CUX1: variants seen among roughly 807,000 people sequenced by gnomAD.
CUX1 encodes the protein cut like homeobox 1.
In CUX1, 31 loss-of-function variants were observed where a neutral mutation model predicts 158.8. The observed-to-expected ratio is 0.20, with a 90% CI of 0.15 to 0.26. The LOEUF is 0.26. CUX1 is among the 10% of genes least tolerant of loss of function. CUX1 has a pLI of 1.00. For missense variants in CUX1, 1,589 were observed against 2,014.6 expected, an observed-to-expected ratio of 0.79 and a Z score of 4.04; for synonymous variants, 879 against 862.1, an observed-to-expected ratio of 1.02 and a Z score of -0.34.
intron 8 of CUX1, among the ~76,000 whole-genome samples, chr7:102,137,587 G>C (rs1834043104): frequency 1.3e-5 from 2 of 152,142 alleles, no homozygotes. Context: ...AGTGAGCTGA[G>C]ATGGCACCGC....
At chr7:102,092,456 TC>T (rs1288268376) in intron 4 of CUX1, among the ~76,000 whole-genome samples, 1 of 152,170 alleles carries the variant, frequency 6.6e-6, no homozygotes, top group South Asian at 2.1e-4. Context: ...TTTCCCTCAC[TC>T]CCTGTGCCTC....
chr7:101,829,876 C>T (rs1793784043), intron 1 of CUX1, among the ~76,000 whole-genome samples: 1 of 151,802 alleles, frequency 6.6e-6, no homozygotes, highest in Non-Finnish European at 1.5e-5. Flanking sequence ...AAGGAGCCCC[C>T]CTGTTGCATT....
intron 6 of CUX1, among the ~76,000 whole-genome samples, chr7:102,110,152 C>T (rs993443305): frequency 6.6e-6 from 1 of 152,108 alleles, no homozygotes; most frequent in Admixed American, 6.6e-5. Context: ...TTTCAGTAGC[C>T]TATTTCATAT....
intron 9 of CUX1, among the ~76,000 whole-genome samples, chr7:102,162,877 G>A (rs1280399703): frequency 6.6e-6 from 1 of 152,136 alleles, no homozygotes; most frequent in Non-Finnish European, 1.5e-5. Flanking sequence ...TGCTTGCTCT[G>A]GAGAGAGTGA....
intron 8 of CUX1, among the ~76,000 whole-genome samples, 200 bp from the exon 9 acceptor site, chr7:102,158,360 C>A (rs1308972315): frequency 6.6e-6 from 1 of 152,154 alleles, no homozygotes; most frequent in African/African-American, 2.4e-5. Flanking sequence ...ACGCACCAGA[C>A]ACATGATTAT....
intron 8 of CUX1, among the ~76,000 whole-genome samples, chr7:102,129,785 C>T (rs1162205696): frequency 6.6e-6 from 1 of 152,128 alleles, no homozygotes; most frequent in Non-Finnish European, 1.5e-5. Flanking sequence ...ACAAGTTGTT[C>T]GGTCCCCGCC....
At chr7:102,030,725 A>G (rs1790412162) in intron 3 of CUX1, among the ~76,000 whole-genome samples, 1 of 41,340 alleles carries the variant, frequency 2.4e-5, no homozygotes, top group South Asian at 5.4e-4. Flanking sequence ...TCGCTCGGTA[A>G]CCCAGGCTGC....
At chr7:102,071,518 C>T (rs1826131582) in intron 4 of CUX1, among the ~76,000 whole-genome samples, 1 of 152,176 alleles carries the variant, frequency 6.6e-6, no homozygotes, top group Non-Finnish European at 1.5e-5. Flanking sequence ...ATGCCTTTTT[C>T]TGCCAAGCAA....
In CUX1 at chr7:101,929,673, T is replaced by C. The variant is rs182238153; in HGVS notation, c.141+13448T>C. ...AGGCATTATGCTAAGTGCATGACCA[T>C]CATTTCTCTGCCCCTGGAAGTCACC... On this transcript the variant is annotated intron_variant, in intron 2 of 23. Transcript: ENST00000292535. Among the ~76,000 whole-genome samples the C allele has an allele frequency of 2.0e-5, 3 of 152,216 alleles. No individual in the cohort carries two copies. The East Asian group carries it at 5.8e-4, about 29-fold the overall frequency.
chr7:102,197,018 C>A lies in CUX1; in HGVS notation c.1607C>A (p.Pro536His). 6.2e-7 allele frequency: 1 copy of A among 1,614,216 alleles called. No individual in the cohort carries two copies. Among genetic ancestry groups the A allele is most frequent in the Non-Finnish European group, 8.5e-7 (1 of 1,180,038 alleles). Reference protein sequence around the residue: ...SPDVNGMAPSPSQSESAGSVS... With the variant: ...SPDVNGMAPSHSQSESAGSVS... ...GATGTCAATGGCATGGCCCCATCCCCCAGCCAGTCAGAAAGTGCTGGGAGC... is the reference window on the plus strand; with the variant it reads ...GATGTCAATGGCATGGCCCCATCCCACAGCCAGTCAGAAAGTGCTGGGAGC... Residue 536 changes from proline (P) to histidine (H), a missense_variant, in exon 15 of 24, where the codon CCC becomes CAC. Physicochemically the swap from Pro to His is moderately conservative, Grantham distance 77. Around this residue, in one of 8 missense-constraint regions of CUX1, gnomAD observed 515 missense variants for 574.4 expected, o/e 0.90. Transcript: ENST00000292535.
chr7:101,974,474 C>T (rs947499414), intron 2 of CUX1, among the ~76,000 whole-genome samples: 2 of 152,180 alleles, frequency 1.3e-5, no homozygotes, highest in African/African-American at 2.4e-5. Context: ...GCTTTTAATC[C>T]TAGCTTACAG....
chr7:102,216,658 CCCACACACACT>C (rs1797186636), intron 20 of CUX1, among the ~76,000 whole-genome samples: 1 of 74,236 alleles, frequency 1.3e-5, no homozygotes, highest in South Asian at 5.0e-4. Context: ...CACACACTCT[CCCACACACACT>C]CACACACACA....
In CUX1 at chr7:102,255,668, C is replaced by T. The variant is rs916375609; in HGVS notation, c.*6626C>T. 32 of 985,284 alleles carry T rather than the reference C, an allele frequency of 3.2e-5. 1 individual carries two copies. The highest frequency in any genetic ancestry group is 2.3e-4 in the East Asian group (2 of 8,828). 61.0% of individuals were successfully genotyped at this position (985,284 alleles called of 1,614,324 possible). ...AAAGGTGCCTTATATCCCAATGTCA[C>T]GGCTACATCCCTATGGAAATTAATC... On this transcript the variant is annotated 3_prime_UTR_variant, in exon 24 of 24. Coordinates refer to ENST00000292535, the MANE Select transcript of CUX1 (RefSeq NM_181552.4).
intron 2 of CUX1, among the ~76,000 whole-genome samples, chr7:101,992,429 G>T (rs1325913545): frequency 6.6e-6 from 1 of 152,200 alleles, no homozygotes; most frequent in African/African-American, 2.4e-5. Flanking sequence ...AGACTGGTGT[G>T]CATAGAAGGG....
At position 102,076,244 on chromosome 7, in the gene CUX1, G is replaced by A. The variant is rs1826704977; in HGVS notation, c.268+5827G>A. 2.0e-5 allele frequency among the ~76,000 whole-genome samples: 3 copies of A among 152,106 alleles called. 1 individual carries two copies. The highest frequency in any genetic ancestry group is 2.0e-4 in the Admixed American group (3 of 15,262). Reference sequence around the variant, plus strand: ...TAAAAAAATACAAGACATTAGGTGGGCGTGGTGGTGGGCACCTGTAATCCC... The same window carrying A: ...TAAAAAAATACAAGACATTAGGTGGACGTGGTGGTGGGCACCTGTAATCCC... On this transcript the variant is annotated intron_variant, in intron 4 of 23. Transcript: ENST00000292535.
chr7:101,824,547 G>C (rs980806295), intron 1 of CUX1: 1 of 152,252 alleles, frequency 6.6e-6, no homozygotes, highest in Non-Finnish European at 1.5e-5. Flanking sequence ...GTAAATCTTT[G>C]TCTTGAAGAG....
chr7:102,070,817 C>A lies in CUX1; in HGVS notation c.268+400C>A, dbSNP rs112385072. 3.9e-4 allele frequency among the ~76,000 whole-genome samples: 59 copies of A among 152,292 alleles called. 1 individual carries two copies. The highest frequency in any genetic ancestry group is 1.3e-3 in the African/African-American group (54 of 41,574). ...GGCCCTACTAAGACACCTGGAGTGT[C>A]CCGCTCCCCTGCCAGGTCATCCAAG... On this transcript the variant is annotated intron_variant, in intron 4 of 23. Coordinates refer to ENST00000292535, the MANE Select transcript of CUX1 (RefSeq NM_181552.4).
intron 1 of CUX1, among the ~76,000 whole-genome samples, chr7:101,902,956 A>G (rs1802317524): frequency 6.6e-6 from 1 of 152,224 alleles, no homozygotes; most frequent in Non-Finnish European, 1.5e-5. Context: ...AATTTTAACA[A>G]GTTCCCATAT....
Position 102,074,688 on chromosome 7 carries a change from C to G in CUX1, c.268+4271C>G, listed in dbSNP as rs1177280929. 7.9e-5 allele frequency among the ~76,000 whole-genome samples: 12 copies of G among 152,332 alleles called. No individual in the cohort carries two copies. In the East Asian group the frequency reaches 2.3e-3, roughly 29 times the overall value. On this transcript the variant is annotated intron_variant, in intron 4 of 23. Coordinates refer to ENST00000292535, the MANE Select transcript of CUX1 (RefSeq NM_181552.4). ...ACTGGTGACTCTCAGAGCTTTGTCC[C>G]TGGTCCAGGTCTCACTCCTGAGTGC...
Sources: gnomAD v4.1 joint callset for allele counts (sites outside exome capture counted in the v4.1 genomes callset) on GRCh38, gnomAD v4.1.1 for gene constraint, gnomAD v4.1.1 regional missense constraint, MANE v1.5 for transcripts, NCBI Gene and HGNC (gene_info 2026-07-23, HGNC 2026-07-21) for gene names.